The following RBFOX1 variants were observed in gnomAD, a reference collection of about 807,000 sequenced individuals.
RBFOX1 encodes RNA binding protein fox-1 homolog 1.
In RBFOX1, 8 loss-of-function variants were observed where a neutral mutation model predicts 57.7. That is an observed-to-expected ratio of 0.14 (90% CI 0.08 to 0.25). The LOEUF is 0.25. RBFOX1 is among the 10% of genes least tolerant of loss of function. The pLI is 1.00. For missense variants in RBFOX1, 611 were observed against 548.5 expected, an observed-to-expected ratio of 1.11 and a Z score of -1.14; for synonymous variants, 326 against 222.4, an observed-to-expected ratio of 1.47 and a Z score of -4.15.
chr16:7,148,208 A>G (rs1039191805), intron 4 of RBFOX1, among the ~76,000 whole-genome samples: 4 of 152,224 alleles, frequency 2.6e-5, no homozygotes, highest in Admixed American at 1.3e-4. Flanking sequence ...TGTTAGATCA[A>G]CAATTAAGAT....
Position 7,555,891 on chromosome 16 carries a change from C to G in RBFOX1, c.271-23886C>G, listed in dbSNP as rs1172785901. Among the ~76,000 whole-genome samples, 3 of 152,128 alleles carry G rather than the reference C, an allele frequency of 2.0e-5. No homozygotes were observed. The East Asian group carries it at 5.8e-4, about 29-fold the overall frequency. ...TGCTTCCAACATGCTCTGCAATGCT[C>G]TGATTGATTAGGTTATGCTTCATCT... On this transcript the variant is annotated intron_variant, in intron 5 of 15. Coordinates refer to ENST00000550418, the MANE Select transcript of RBFOX1 (RefSeq NM_018723.4).
intron 2 of RBFOX1, among the ~76,000 whole-genome samples, chr16:6,428,375 G>A (rs762845445): frequency 2.0e-5 from 3 of 150,182 alleles, no homozygotes; most frequent in Non-Finnish European, 4.4e-5. Flanking sequence ...TTAAGTTCAT[G>A]TACTGAAACC....
chr16:6,660,376 G>A (rs186170301), intron 3 of RBFOX1, among the ~76,000 whole-genome samples: 16 of 152,176 alleles, frequency 1.1e-4, no homozygotes, highest in East Asian at 5.8e-4. Flanking sequence ...TGCACATCCC[G>A]CACATGTACC....
At chr16:6,385,990 C>T (rs547851430) in intron 2 of RBFOX1, among the ~76,000 whole-genome samples, 1 of 150,042 alleles carries the variant, frequency 6.7e-6, no homozygotes, top group South Asian at 2.1e-4. Flanking sequence ...GGCTGGAGTG[C>T]AGTGGCGCGA....
intron 3 of RBFOX1, among the ~76,000 whole-genome samples, chr16:6,938,577 AT>A (rs762333705): frequency 1.3e-5 from 2 of 148,456 alleles, no homozygotes; most frequent in African/African-American, 4.9e-5. Context: ...TTTTCTCTTC[AT>A]TTTTTTTTCC....
chr16:5,934,940 A>C (rs1597854968), intron 4 of RBFOX1, among the ~76,000 whole-genome samples: 1 of 152,200 alleles, frequency 6.6e-6, no homozygotes, highest in African/African-American at 2.4e-5. Context: ...GCTTTGAGTC[A>C]ACACACCTGT....
At chr16:6,888,628 G>A (rs544808873) in intron 3 of RBFOX1, among the ~76,000 whole-genome samples, 8 of 152,104 alleles carry the variant, frequency 5.3e-5, no homozygotes, top group Admixed American at 1.3e-4. Context: ...TCATCAGGCT[G>A]TTCCTTGCAG....
intron 2 of RBFOX1, among the ~76,000 whole-genome samples, chr16:5,530,258 C>T (rs11642098): frequency 0.7 from 106,509 of 152,068 alleles, 37,895 homozygotes; most frequent in East Asian, 0.88. Context: ...ACGGCTGCAA[C>T]ACCACTATCT....
chr16:5,718,438 A>T (rs1373161594), intron 3 of RBFOX1, among the ~76,000 whole-genome samples: 1 of 152,216 alleles, frequency 6.6e-6, no homozygotes, highest in Non-Finnish European at 1.5e-5. Context: ...TTTGTTATGC[A>T]GGTGTTATTT....
intron 1 of RBFOX1, among the ~76,000 whole-genome samples, chr16:6,243,086 G>T (rs940234985): frequency 6.6e-6 from 1 of 151,968 alleles, no homozygotes. Flanking sequence ...TCATGTAAGA[G>T]TCTTATGATA....
chr16:5,686,850 C>A, intron 3 of RBFOX1, among the ~76,000 whole-genome samples: 1 of 152,198 alleles, frequency 6.6e-6, no homozygotes, highest in African/African-American at 2.4e-5. Context: ...TGTTGACTTT[C>A]ATCTGGGGCT....
chr16:5,994,525 G>T (rs569125311), intron 4 of RBFOX1, among the ~76,000 whole-genome samples: 1 of 152,142 alleles, frequency 6.6e-6, no homozygotes, highest in Non-Finnish European at 1.5e-5. Flanking sequence ...CACAATTTTA[G>T]CAGCAGATTT....
At chr16:6,616,161 T>C (rs1221606661) in intron 2 of RBFOX1, among the ~76,000 whole-genome samples, 1 of 152,198 alleles carries the variant, frequency 6.6e-6, no homozygotes, top group Non-Finnish European at 1.5e-5. Flanking sequence ...AAATTTTTCA[T>C]CATTGTATGT....
intron 3 of RBFOX1, among the ~76,000 whole-genome samples, chr16:5,768,379 G>T (rs1302965651): frequency 6.6e-6 from 1 of 151,870 alleles, no homozygotes; most frequent in Non-Finnish European, 1.5e-5. Context: ...TTTTTCTTTT[G>T]CATATTATTA....
intron 1 of RBFOX1, among the ~76,000 whole-genome samples, chr16:6,202,948 A>AT (rs1049573741): frequency 6.6e-6 from 1 of 151,650 alleles, no homozygotes; most frequent in African/African-American, 2.4e-5. Flanking sequence ...AATTTTTCAT[A>AT]TTTTTTTGTA....
chr16:6,277,528 T>C (rs935316757), intron 1 of RBFOX1, among the ~76,000 whole-genome samples: 2 of 150,816 alleles, frequency 1.3e-5, no homozygotes, highest in Non-Finnish European at 2.9e-5. Flanking sequence ...TCTCAGCACT[T>C]TGAGAGGCTA....
intron 2 of RBFOX1, among the ~76,000 whole-genome samples, chr16:6,532,365 C>T (rs189001249): frequency 1.2e-4 from 19 of 152,246 alleles, no homozygotes; most frequent in Admixed American, 6.5e-4. Context: ...ATCCTCTTGC[C>T]TGGAGGGTTT....
chr16:6,379,475 T>C (rs1005867008), intron 2 of RBFOX1, among the ~76,000 whole-genome samples: 1 of 151,602 alleles, frequency 6.6e-6, no homozygotes, highest in Non-Finnish European at 1.5e-5. Context: ...CATGAGAAGG[T>C]TGGGGAAATT....
chr16:5,936,569 C>G (rs1033938173), intron 4 of RBFOX1, among the ~76,000 whole-genome samples: 4 of 152,086 alleles, frequency 2.6e-5, no homozygotes, highest in African/African-American at 9.7e-5. Flanking sequence ...TAGACCAGGG[C>G]AGAGAGAGAG....
Sources: gnomAD v4.1 joint callset for allele counts (sites outside exome capture counted in the v4.1 genomes callset) on GRCh38, gnomAD v4.1.1 for gene constraint, MANE v1.5 for transcripts, NCBI Gene and HGNC (gene_info 2026-07-23, HGNC 2026-07-21) for gene names.